The following MAP3K5 variants were observed in gnomAD, a reference collection of about 807,000 sequenced individuals.
MAP3K5 encodes mitogen-activated protein kinase kinase kinase 5.
In MAP3K5, 56 loss-of-function variants were observed where a neutral mutation model predicts 158.7. The ratio of observed to expected loss-of-function variants is 0.35; its 90% CI spans 0.28 to 0.44. MAP3K5 has a LOEUF of 0.44. Ranked by LOEUF, MAP3K5 falls within the 20% of genes least tolerant of loss-of-function variation. The probability of loss-of-function intolerance (pLI) is 1.00; values close to 1 mark genes in which losing one functional copy is unlikely to be tolerated. For synonymous variants in MAP3K5, 579 were observed against 601.7 expected (o/e 0.96, Z 0.55); for missense variants, 1,294 against 1,674.8 (o/e 0.77, Z 3.97).
intron 23 of MAP3K5, 73 bp from the exon 24 acceptor site, chr6:136,583,813 A>C: frequency 7.3e-7 from 1 of 1,374,636 alleles, no homozygotes; most frequent in Non-Finnish European, 1.0e-6. Flanking sequence ...CTATCTCCAT[A>C]CCCCCTGCCC....
At chr6:136,722,017 T>C (rs981233607) in intron 1 of MAP3K5, among the ~76,000 whole-genome samples, 1 of 152,136 alleles carries the variant, frequency 6.6e-6, no homozygotes, top group Non-Finnish European at 1.5e-5. Context: ...TTCCCACAAC[T>C]TACTATATAA....
chr6:136,698,734 A>G, intron 3 of MAP3K5, 52 bp from the exon 4 acceptor site: 1 of 1,282,864 alleles, frequency 7.8e-7, no homozygotes, highest in Non-Finnish European at 1.1e-6. Flanking sequence ...GAGACACGGC[A>G]CAGATGGAAT....
intron 8 of MAP3K5, among the ~76,000 whole-genome samples, chr6:136,666,344 C>T (rs1007308698): frequency 6.6e-6 from 1 of 152,132 alleles, no homozygotes; most frequent in African/African-American, 2.4e-5. Context: ...AGATTGAGTG[C>T]TCATCTTAAT....
At chr6:136,687,341 T>C (rs1446759331) in intron 7 of MAP3K5, among the ~76,000 whole-genome samples, 1 of 152,110 alleles carries the variant, frequency 6.6e-6, no homozygotes, top group Non-Finnish European at 1.5e-5. Flanking sequence ...ACCTAGGCAA[T>C]ACCATGCAGG....
chr6:136,716,114 G>A (rs6903601), intron 2 of MAP3K5, among the ~76,000 whole-genome samples: 10,129 of 147,056 alleles, frequency 0.069, 1,182 homozygotes, highest in African/African-American at 0.24. Flanking sequence ...GGGAGGAGGA[G>A]CTATTATAAA....
chr6:136,686,017 C>T (rs893813646), intron 7 of MAP3K5, among the ~76,000 whole-genome samples: 1 of 152,120 alleles, frequency 6.6e-6, no homozygotes, highest in African/African-American at 2.4e-5. Flanking sequence ...CTAAGAAATA[C>T]CAAAATAGCT....
chr6:136,738,220 T>A (rs530889145), intron 1 of MAP3K5, among the ~76,000 whole-genome samples: 7 of 152,172 alleles, frequency 4.6e-5, no homozygotes, highest in Non-Finnish European at 1.0e-4. Flanking sequence ...CTTTATGCAT[T>A]CTACCATGCC....
chr6:136,701,308 C>T (rs1179459577), intron 3 of MAP3K5, among the ~76,000 whole-genome samples: 1 of 152,194 alleles, frequency 6.6e-6, no homozygotes, highest in East Asian at 1.9e-4. Context: ...ATGCCAAATG[C>T]CCTTATGACC....
intron 1 of MAP3K5, among the ~76,000 whole-genome samples, chr6:136,750,709 G>GA (rs1783168652): frequency 6.6e-6 from 1 of 152,174 alleles, no homozygotes. Flanking sequence ...TTCAATTGGA[G>GA]AAAGGTCTTA....
intron 23 of MAP3K5, among the ~76,000 whole-genome samples, chr6:136,591,097 G>A (rs550846467): frequency 9.8e-4 from 149 of 152,286 alleles, no homozygotes; most frequent in African/African-American, 3.2e-3. Context: ...CTTGCCTGCC[G>A]CCACGTAAGA....
chr6:136,777,850 T>G (rs1784459003), intron 1 of MAP3K5, among the ~76,000 whole-genome samples: 1 of 115,668 alleles, frequency 8.6e-6, no homozygotes, highest in African/African-American at 3.3e-5. Flanking sequence ...CAATTTTCTG[T>G]CAGCCAAGAA....
chr6:136,680,430 G>T (rs1375896313), intron 7 of MAP3K5, among the ~76,000 whole-genome samples: 1 of 152,046 alleles, frequency 6.6e-6, no homozygotes. Flanking sequence ...TCTATTTTTG[G>T]ATATTTAGAT....
chr6:136,737,049 A>ATATATATATATATATATGTG, intron 1 of MAP3K5, among the ~76,000 whole-genome samples: 1 of 148,002 alleles, frequency 6.8e-6, no homozygotes, highest in East Asian at 2.0e-4. Flanking sequence ...ATATATATAT[A>ATATATATATATATATATGTG]TATATATAAA....
At chr6:136,601,119 G>A in intron 20 of MAP3K5, 77 bp from the exon 21 acceptor site, 1 of 1,402,998 alleles carries the variant, frequency 7.1e-7, no homozygotes, top group Non-Finnish European at 1.0e-6. Flanking sequence ...AACAAAAAAT[G>A]AATGCCTGAA....
At chr6:136,768,974 T>C (rs1444364862) in intron 1 of MAP3K5, among the ~76,000 whole-genome samples, 1 of 151,132 alleles carries the variant, frequency 6.6e-6, no homozygotes, top group Admixed American at 6.6e-5. Flanking sequence ...CAGCATTGAA[T>C]TACCGTATGA....
At chr6:136,739,974 C>T (rs1048274204) in intron 1 of MAP3K5, among the ~76,000 whole-genome samples, 1 of 152,146 alleles carries the variant, frequency 6.6e-6, no homozygotes, top group African/African-American at 2.4e-5. Context: ...AGCAGGAGCC[C>T]CTCTTTACAG....
chr6:136,747,392 T>C (rs892459876), intron 1 of MAP3K5, among the ~76,000 whole-genome samples: 3 of 152,214 alleles, frequency 2.0e-5, no homozygotes, highest in African/African-American at 7.2e-5. Context: ...GGGTGCTGTC[T>C]AGATACACTC....
At chr6:136,648,519 T>C (rs1778372589) in intron 11 of MAP3K5, among the ~76,000 whole-genome samples, 1 of 152,232 alleles carries the variant, frequency 6.6e-6, no homozygotes, top group African/African-American at 2.4e-5. Context: ...ATGGATGTTT[T>C]TCTCCATGCT....
intron 1 of MAP3K5, among the ~76,000 whole-genome samples, chr6:136,744,987 T>A (rs1562666762): frequency 6.6e-6 from 1 of 152,202 alleles, no homozygotes; most frequent in Non-Finnish European, 1.5e-5. Context: ...ATCATGCTCC[T>A]TAGAAATTCT....
Sources: gnomAD v4.1 joint callset for allele counts (sites outside exome capture counted in the v4.1 genomes callset) on GRCh38, gnomAD v4.1.1 for gene constraint, MANE v1.5 for transcripts, NCBI Gene and HGNC (gene_info 2026-07-23, HGNC 2026-07-21) for gene names.